ERBB4: variants seen among roughly 807,000 people sequenced by gnomAD.
ERBB4 encodes the protein receptor tyrosine-protein kinase erbB-4.
A neutral mutation model predicts 158.0 loss-of-function variants in ERBB4; 42 were observed. The ratio of observed to expected loss-of-function variants is 0.27; its 90% CI spans 0.21 to 0.34. The LOEUF is 0.34. Among genes scored for constraint, ERBB4 ranks in the 10% least tolerant of loss-of-function variants. ERBB4 has a pLI of 1.00. For missense variants in ERBB4, 1,333 were observed against 1,624.1 expected, an observed-to-expected ratio of 0.82 and a Z score of 3.08; for synonymous variants, 583 against 558.7, an observed-to-expected ratio of 1.04 and a Z score of -0.61.
At chr2:212,415,707 T>A (rs2091631941) in intron 1 of ERBB4, among the ~76,000 whole-genome samples, 1 of 151,974 alleles carries the variant, frequency 6.6e-6, no homozygotes, top group Non-Finnish European at 1.5e-5. Context: ...AAATACTGAG[T>A]TAAATATGAA....
At position 211,884,968 on chromosome 2, in the gene ERBB4, C is replaced by T. The variant is rs144470109; in HGVS notation, c.421+62462G>A. On this transcript the variant is annotated intron_variant, in intron 3 of 27. Transcript: ENST00000342788. ...AAAAATAGATATTTATGTCTGGAAA[C>T]CTGAAATAAGGAAAATTGATTCTAC... 3.1e-3 allele frequency among the ~76,000 whole-genome samples: 468 copies of T among 151,914 alleles called. 2 individuals are homozygous for T. The highest frequency in any genetic ancestry group is 0.01 in the Middle Eastern group (3 of 294).
At chr2:211,769,483 A>G (rs912964022) in intron 4 of ERBB4, among the ~76,000 whole-genome samples, 3 of 152,244 alleles carry the variant, frequency 2.0e-5, no homozygotes, top group Non-Finnish European at 4.4e-5. Context: ...CTAGAGGAAC[A>G]GAACTAAAAG....
chr2:211,881,435 T>C (rs936054588), intron 3 of ERBB4, among the ~76,000 whole-genome samples: 1 of 152,166 alleles, frequency 6.6e-6, no homozygotes, highest in African/African-American at 2.4e-5. Flanking sequence ...GGGGGAATGC[T>C]GGCAGCTGCG....
chr2:212,192,148 T>C (rs2082291684), intron 1 of ERBB4, among the ~76,000 whole-genome samples: 1 of 145,612 alleles, frequency 6.9e-6, no homozygotes, highest in East Asian at 2.0e-4. Context: ...CTATATGTTA[T>C]ATATATTATA....
intron 25 of ERBB4, among the ~76,000 whole-genome samples, chr2:211,411,199 G>A (rs1369845266): frequency 2.6e-5 from 4 of 152,130 alleles, no homozygotes; most frequent in South Asian, 2.1e-4. Context: ...GAGCCACCAC[G>A]CCCAGCCTAA....
chr2:211,655,860 C>T (rs571224582), intron 16 of ERBB4, among the ~76,000 whole-genome samples: 1 of 152,268 alleles, frequency 6.6e-6, no homozygotes, highest in Admixed American at 6.5e-5. Context: ...GTCACAGTGC[C>T]ACTGTTGTAG....
chr2:212,359,632 G>C (rs1201831679), intron 1 of ERBB4, among the ~76,000 whole-genome samples: 1 of 151,692 alleles, frequency 6.6e-6, no homozygotes, highest in African/African-American at 2.4e-5. Context: ...TAAGGAATCT[G>C]CTGAAAGGCA....
chr2:212,349,304 C>A (rs1159644017), intron 1 of ERBB4, among the ~76,000 whole-genome samples: 2 of 151,640 alleles, frequency 1.3e-5, no homozygotes, highest in African/African-American at 4.8e-5. Context: ...CACACACACA[C>A]ACACACACAC....
intron 2 of ERBB4, among the ~76,000 whole-genome samples, chr2:212,119,106 C>T (rs1425344336): frequency 6.6e-6 from 1 of 151,996 alleles, no homozygotes; most frequent in African/African-American, 2.4e-5. Context: ...AACTATTCCA[C>T]ATCCATGCAT....
At chr2:212,122,093 T>C (rs7579631) in intron 2 of ERBB4, among the ~76,000 whole-genome samples, 80,695 of 150,274 alleles carry the variant, frequency 0.54, 22,303 homozygotes, top group Non-Finnish European at 0.59. Context: ...ACACCCCACA[T>C]ACAAACACAT....
Position 211,382,033 on chromosome 2 carries a change from A to C in ERBB4, c.*1582T>G. The C allele has an allele frequency of 4.4e-6, 1 of 229,424 alleles. No individual in the cohort carries two copies. Among genetic ancestry groups the C allele is most frequent in the Non-Finnish European group, 8.6e-6 (1 of 115,720 alleles). The allele number at this position is 229,424 out of a possible 1,614,324, so 14.2% of individuals were successfully genotyped here. ...TAGTACTGGATGCAGTATATGAAGA[A>C]AGGGAATTATATAAAGTATCAAAAG... On this transcript the variant is annotated 3_prime_UTR_variant, in exon 28 of 28. Coordinates refer to ENST00000342788, the MANE Select transcript of ERBB4 (RefSeq NM_005235.3).
At chr2:211,599,651 A>G (rs1193075585) in intron 19 of ERBB4, among the ~76,000 whole-genome samples, 1 of 152,184 alleles carries the variant, frequency 6.6e-6, no homozygotes, top group East Asian at 1.9e-4. Context: ...ATAGTCTATG[A>G]AAACAATGGC....
At chr2:211,768,610 G>A (rs1236223466) in intron 4 of ERBB4, among the ~76,000 whole-genome samples, 3 of 152,168 alleles carry the variant, frequency 2.0e-5, no homozygotes, top group Non-Finnish European at 4.4e-5. Context: ...ACACCACGTG[G>A]AAGCTGCCAA....
intron 1 of ERBB4, among the ~76,000 whole-genome samples, chr2:212,175,465 A>G (rs1293995488): frequency 6.6e-6 from 1 of 151,962 alleles, no homozygotes; most frequent in African/African-American, 2.4e-5. Context: ...TATCATTACC[A>G]TGTACTAGAT....
intron 20 of ERBB4, among the ~76,000 whole-genome samples, chr2:211,501,426 T>C (rs1427130357): frequency 1.3e-5 from 2 of 151,810 alleles, no homozygotes; most frequent in Non-Finnish European, 2.9e-5. Flanking sequence ...TCATTACCCA[T>C]ATTATATGCT....
At chr2:211,588,617 C>T (rs2125787356) in intron 19 of ERBB4, among the ~76,000 whole-genome samples, 1 of 152,052 alleles carries the variant, frequency 6.6e-6, no homozygotes, top group African/African-American at 2.4e-5. Context: ...ATTATTACTA[C>T]CATTTTACAG....
intron 1 of ERBB4, among the ~76,000 whole-genome samples, chr2:212,300,374 A>G (rs891140000): frequency 1.3e-5 from 2 of 151,610 alleles, no homozygotes; most frequent in Admixed American, 1.3e-4. Flanking sequence ...GCAGTCAAAT[A>G]TAAATAGGAC....
intron 1 of ERBB4, among the ~76,000 whole-genome samples, chr2:212,142,901 C>T (rs947477249): frequency 3.3e-5 from 5 of 151,258 alleles, no homozygotes; most frequent in Non-Finnish European, 7.4e-5. Context: ...GCACTAGTTG[C>T]CTATGTAATT....
chr2:211,708,612 TTCTCTCTCTC>T (rs60948715), intron 9 of ERBB4, among the ~76,000 whole-genome samples: 3 of 116,576 alleles, frequency 2.6e-5, no homozygotes, highest in African/African-American at 8.4e-5. Flanking sequence ...GTTTCCATCC[TTCTCTCTCTC>T]TCTCTCTCTC....
Sources: gnomAD v4.1 joint callset for allele counts (sites outside exome capture counted in the v4.1 genomes callset) on GRCh38, gnomAD v4.1.1 for gene constraint, MANE v1.5 for transcripts, NCBI Gene and HGNC (gene_info 2026-07-23, HGNC 2026-07-21) for gene names.